NRG3: variants seen among roughly 807,000 people sequenced by gnomAD.
The protein encoded by NRG3 is pro-neuregulin-3, membrane-bound isoform.
NRG3 carries 31 observed loss-of-function variants against 66.9 expected under a neutral mutation model. The observed-to-expected ratio is 0.46, with a 90% CI of 0.35 to 0.63. The LOEUF is 0.63. Ranked by LOEUF, NRG3 falls within the 20% of genes least tolerant of loss-of-function variation. NRG3 has a pLI of 0.00. For missense variants in NRG3, 910 were observed against 878.9 expected (o/e 1.04, Z -0.45); for synonymous variants, 393 against 359.4 (o/e 1.09, Z -1.06).
intron 1 of NRG3, among the ~76,000 whole-genome samples, chr10:82,202,059 CTTA>C (rs1589297493): frequency 6.6e-6 from 1 of 152,110 alleles, no homozygotes; most frequent in South Asian, 2.1e-4. Context: ...CTGCCAGATA[CTTA>C]TTATTGTTTT....
chr10:82,693,341 A>G (rs1051048965), intron 2 of NRG3, among the ~76,000 whole-genome samples: 2 of 152,200 alleles, frequency 1.3e-5, no homozygotes, highest in African/African-American at 4.8e-5. Context: ...ATGGACGATG[A>G]TGATAATTGC....
intron 1 of NRG3, among the ~76,000 whole-genome samples, chr10:82,096,442 C>CT (rs1214318149): frequency 6.6e-6 from 1 of 152,084 alleles, no homozygotes; most frequent in Non-Finnish European, 1.5e-5. Flanking sequence ...CACTCCTGCA[C>CT]TCCAGCCTGG....
At chr10:81,925,317 TA>T (rs1846661307) in intron 1 of NRG3, among the ~76,000 whole-genome samples, 1 of 152,204 alleles carries the variant, frequency 6.6e-6, no homozygotes, top group South Asian at 2.1e-4. Flanking sequence ...TGCAACAGAA[TA>T]TAGAATTGGG....
rs1300209651 is a variant in NRG3 at position 82,852,785 on chromosome 10, G to A, written c.1028-12626G>A. 2.6e-5 allele frequency among the ~76,000 whole-genome samples: 4 copies of A among 152,156 alleles called. No homozygotes were observed. The East Asian group carries it at 7.7e-4, about 29-fold the overall frequency. ...TATCACACTAACGGGGTGCCGAGTG[G>A]AGTAATTATTTCCAGTCAAATATCT... On this transcript the variant is annotated intron_variant, in intron 3 of 8. Coordinates refer to ENST00000372141, the MANE Select transcript of NRG3 (RefSeq NM_001010848.4).
At chr10:82,050,504 C>T (rs1164680760) in intron 1 of NRG3, among the ~76,000 whole-genome samples, 1 of 151,870 alleles carries the variant, frequency 6.6e-6, no homozygotes, top group Admixed American at 6.6e-5. Flanking sequence ...GGGATTTGTG[C>T]TGTTAGTCTG....
chr10:81,988,874 C>CT (rs398054550), intron 1 of NRG3, among the ~76,000 whole-genome samples: 1,816 of 141,330 alleles, frequency 0.013, 26 homozygotes, highest in African/African-American at 0.033. Context: ...CCCGGATGTA[C>CT]TTTTTTTTTT....
chr10:82,072,476 G>C (rs1203945681), intron 1 of NRG3, among the ~76,000 whole-genome samples: 1 of 152,154 alleles, frequency 6.6e-6, no homozygotes, highest in Non-Finnish European at 1.5e-5. Flanking sequence ...TAAACTAAAA[G>C]AGAATTCAAG....
chr10:82,701,410 T>C (rs1401357248), intron 2 of NRG3, among the ~76,000 whole-genome samples: 1 of 152,174 alleles, frequency 6.6e-6, no homozygotes, highest in Non-Finnish European at 1.5e-5. Context: ...CAGAATTACA[T>C]GGTTGTTCTT....
intron 3 of NRG3, among the ~76,000 whole-genome samples, chr10:82,774,866 C>A (rs2059850759): frequency 8.6e-6 from 1 of 116,810 alleles, no homozygotes; most frequent in African/African-American, 3.5e-5. Flanking sequence ...ACTCTGTCGT[C>A]CAGGCTGTTA....
At chr10:82,200,797 A>G (rs17099580) in intron 1 of NRG3, among the ~76,000 whole-genome samples, 10,907 of 152,116 alleles carry the variant, frequency 0.072, 757 homozygotes, top group East Asian at 0.22. Context: ...AGGAGTTGAG[A>G]GTTTCAGAAA....
chr10:82,092,742 G>A (rs540628319), intron 1 of NRG3, among the ~76,000 whole-genome samples: 1 of 152,234 alleles, frequency 6.6e-6, no homozygotes, highest in Middle Eastern at 3.4e-3. Flanking sequence ...TTAAAGACAA[G>A]GTTTCCATTT....
At chr10:82,455,941 A>C (rs1165176065) in intron 2 of NRG3, among the ~76,000 whole-genome samples, 3 of 152,058 alleles carry the variant, frequency 2.0e-5, no homozygotes, top group South Asian at 4.1e-4. Flanking sequence ...CTTATTTTTT[A>C]AATTTTATCT....
In NRG3 at chr10:81,932,680, G is replaced by A. The variant is rs530530709; in HGVS notation, c.823+56517G>A. Among the ~76,000 whole-genome samples, 29 of 152,256 alleles carry A rather than the reference G, an allele frequency of 1.9e-4. No homozygotes were observed. The South Asian group carries it at 6.0e-3, about 32-fold the overall frequency. On this transcript the variant is annotated intron_variant, in intron 1 of 8. Coordinates refer to ENST00000372141, the MANE Select transcript of NRG3 (RefSeq NM_001010848.4). Reference sequence around the variant, plus strand: ...GCAAAAACAGTACAAGAAAGGATTAGTCATTGCTGAAAATATTATAGATCA... The same window carrying A: ...GCAAAAACAGTACAAGAAAGGATTAATCATTGCTGAAAATATTATAGATCA...
At chr10:81,970,090 C>T (rs1382662089) in intron 1 of NRG3, among the ~76,000 whole-genome samples, 3 of 152,122 alleles carry the variant, frequency 2.0e-5, no homozygotes, top group Admixed American at 6.5e-5. Context: ...ATTAAGGGTG[C>T]TGAGGCTATT....
intron 1 of NRG3, among the ~76,000 whole-genome samples, chr10:81,895,853 C>T (rs1311183080): frequency 1.3e-5 from 2 of 152,146 alleles, no homozygotes; most frequent in African/African-American, 4.8e-5. Context: ...ATCAAACCAT[C>T]TTATAAACCA....
chr10:81,940,678 C>T (rs1349722339), intron 1 of NRG3, among the ~76,000 whole-genome samples: 2 of 152,028 alleles, frequency 1.3e-5, no homozygotes, highest in African/African-American at 4.8e-5. Flanking sequence ...GGCTGAATCT[C>T]ATTAGCTCTC....
chr10:82,467,258 G>C (rs373421891), intron 2 of NRG3, among the ~76,000 whole-genome samples: 9 of 152,296 alleles, frequency 5.9e-5, no homozygotes, highest in African/African-American at 2.2e-4. Flanking sequence ...TGATGTGGCA[G>C]GGAAAATTGT....
At chr10:82,978,828 C>A in intron 7 of NRG3, 122 bp from the exon 8 acceptor site, 1 of 1,006,172 alleles carries the variant, frequency 9.9e-7, no homozygotes, top group Non-Finnish European at 1.5e-6. Context: ...TGGCCCTGGC[C>A]TAGAACTTTG....
intron 2 of NRG3, among the ~76,000 whole-genome samples, chr10:82,557,860 A>G (rs2044752312): frequency 6.6e-6 from 1 of 152,184 alleles, no homozygotes; most frequent in African/African-American, 2.4e-5. Flanking sequence ...CAAGGTCAAA[A>G]GGCTGGGAAG....
Sources: allele counts gnomAD v4.1 joint callset (sites outside exome capture counted in the v4.1 genomes callset), GRCh38; gene constraint gnomAD v4.1.1; transcripts MANE v1.5; gene names NCBI Gene and HGNC (gene_info 2026-07-23, HGNC 2026-07-21).